STK3: variants seen among roughly 807,000 people sequenced by gnomAD.
STK3 encodes the protein serine/threonine kinase 3, also known as serine/threonine-protein kinase 3.
Under a neutral mutation model 58.0 loss-of-function variants are expected in STK3, and 41 were observed. The observed-to-expected ratio is 0.71, with a 90% CI of 0.55 to 0.92. The LOEUF is 0.92. Among genes scored for constraint, STK3 ranks in the 40% least tolerant of loss-of-function variants. The pLI is 0.00. For missense variants in STK3, 479 were observed against 602.7 expected (o/e 0.79, Z 2.15); for synonymous variants, 170 against 191.0 (o/e 0.89, Z 0.91).
intron 1 of STK3, chr8:98,905,206 C>T (rs1258966477): frequency 7.3e-6 from 7 of 964,966 alleles, no homozygotes; most frequent in Non-Finnish European, 1.2e-5. Context: ...ATTCCAGGGG[C>T]AGTCCGAAGT....
intron 1 of STK3, among the ~76,000 whole-genome samples, chr8:98,901,546 G>T (rs1308507175): frequency 6.6e-6 from 1 of 152,250 alleles, no homozygotes; most frequent in African/African-American, 2.4e-5. Context: ...ACCTTTTCTT[G>T]CAACTCTTGC....
chr8:98,736,969 C>A (rs1303268099), intron 4 of STK3, among the ~76,000 whole-genome samples: 1 of 152,082 alleles, frequency 6.6e-6, no homozygotes, highest in Non-Finnish European at 1.5e-5. Context: ...TATACATAAT[C>A]AAATGAATTA....
At chr8:98,500,044 T>C (rs1274479928) in intron 10 of STK3, among the ~76,000 whole-genome samples, 2 of 152,090 alleles carry the variant, frequency 1.3e-5, no homozygotes, top group Non-Finnish European at 2.9e-5. Context: ...TTTGCAAGTG[T>C]GATTAACTTA....
intron 6 of STK3, among the ~76,000 whole-genome samples, chr8:98,634,551 T>G (rs371513195): frequency 1.7e-3 from 252 of 152,180 alleles, no homozygotes; most frequent in African/African-American, 5.8e-3. Context: ...AGGATACTCT[T>G]GGTTAATGGC....
chr8:98,556,222 T>C (rs768437564), intron 8 of STK3, among the ~76,000 whole-genome samples: 7 of 152,054 alleles, frequency 4.6e-5, no homozygotes, highest in Non-Finnish European at 8.8e-5. Context: ...AACCTCAAAC[T>C]GAGAAGTTAA....
chr8:98,789,547 G>T (rs536532994), intron 1 of STK3, among the ~76,000 whole-genome samples: 1 of 151,994 alleles, frequency 6.6e-6, no homozygotes, highest in Non-Finnish European at 1.5e-5. Flanking sequence ...ATCCAAATAA[G>T]CTCAATTAGA....
chr8:98,867,926 C>G (rs1348449752), intron 3 of STK3, among the ~76,000 whole-genome samples: 1 of 152,204 alleles, frequency 6.6e-6, no homozygotes, highest in Non-Finnish European at 1.5e-5. Flanking sequence ...ACTCTTTTGA[C>G]AGCACAGGAA....
chr8:98,692,858 C>T (rs1824510634), intron 6 of STK3, among the ~76,000 whole-genome samples: 1 of 151,770 alleles, frequency 6.6e-6, no homozygotes, highest in Non-Finnish European at 1.5e-5. Context: ...AAGAAGAGAA[C>T]ATATTATGGG....
chr8:98,482,385 T>C (rs1410637591), intron 10 of STK3, among the ~76,000 whole-genome samples: 1 of 152,216 alleles, frequency 6.6e-6, no homozygotes, highest in Non-Finnish European at 1.5e-5. Context: ...TAAGAGACAG[T>C]CAAATGTTTT....
At chr8:98,464,185 C>A (rs938704923) in intron 10 of STK3, among the ~76,000 whole-genome samples, 2 of 152,114 alleles carry the variant, frequency 1.3e-5, no homozygotes, top group Non-Finnish European at 2.9e-5. Context: ...TGGCTAACAA[C>A]AAGAATTTTC....
chr8:98,873,951 A>G (rs992349386), intron 3 of STK3, among the ~76,000 whole-genome samples: 3 of 152,098 alleles, frequency 2.0e-5, no homozygotes, highest in African/African-American at 4.8e-5. Flanking sequence ...TGGTCTTTAC[A>G]ATCTGGCTTG....
intron 6 of STK3, among the ~76,000 whole-genome samples, chr8:98,605,570 CCT>C (rs1371917700): frequency 6.6e-6 from 1 of 151,972 alleles, no homozygotes; most frequent in East Asian, 1.9e-4. Flanking sequence ...TTACTTCCTC[CCT>C]CTCTGTCTTC....
chr8:98,414,968 C>A (rs1210880367), intron 3 of STK3, among the ~76,000 whole-genome samples: 2 of 152,128 alleles, frequency 1.3e-5, no homozygotes, highest in African/African-American at 2.4e-5. Flanking sequence ...CTGAATTTGT[C>A]CCCCAAAATT....
chr8:98,713,844 C>A (rs1826757989), intron 4 of STK3, among the ~76,000 whole-genome samples: 1 of 152,070 alleles, frequency 6.6e-6, no homozygotes. Context: ...GAATTTTAGA[C>A]CAATATCCCT....
At chr8:98,701,273 G>A (rs1040182207) in intron 6 of STK3, among the ~76,000 whole-genome samples, 1 of 151,334 alleles carries the variant, frequency 6.6e-6, no homozygotes, top group Non-Finnish European at 1.5e-5. Context: ...CGGAAGGAAG[G>A]AAATGATACT....
At chr8:98,711,159 G>C (rs1015720482) in intron 4 of STK3, among the ~76,000 whole-genome samples, 2 of 151,960 alleles carry the variant, frequency 1.3e-5, no homozygotes, top group African/African-American at 4.8e-5. Context: ...AAAGACCAAA[G>C]GTAGATAAAA....
At chr8:98,663,846 G>C (rs927264449) in intron 6 of STK3, among the ~76,000 whole-genome samples, 1 of 152,126 alleles carries the variant, frequency 6.6e-6, no homozygotes, top group Non-Finnish European at 1.5e-5. Context: ...TATTTCTAAG[G>C]TAGGAGAAAG....
intron 10 of STK3, among the ~76,000 whole-genome samples, chr8:98,520,114 T>G (rs577850048): frequency 1.5e-4 from 23 of 152,176 alleles, no homozygotes; most frequent in Non-Finnish European, 2.5e-4. Context: ...TAAGGCTGTT[T>G]GGAAATAATT....
intron 1 of STK3, among the ~76,000 whole-genome samples, chr8:98,380,549 T>A (rs1817721673): frequency 6.6e-6 from 1 of 152,232 alleles, no homozygotes; most frequent in Non-Finnish European, 1.5e-5. Context: ...GAATGCTATT[T>A]CTGAGTCAGA....
Sources: allele counts gnomAD v4.1 joint callset (sites outside exome capture counted in the v4.1 genomes callset), GRCh38; gene constraint gnomAD v4.1.1; transcripts MANE v1.5; gene names NCBI Gene and HGNC (gene_info 2026-07-23, HGNC 2026-07-21).